TATDN3: variants seen among roughly 807,000 people sequenced by gnomAD.
The protein encoded by TATDN3 is deoxyribonuclease TATDN3.
Under a neutral mutation model 40.1 loss-of-function variants are expected in TATDN3, and 29 were observed. The ratio of observed to expected loss-of-function variants is 0.72; its 90% CI spans 0.54 to 0.99. TATDN3 has a LOEUF of 0.99. Among genes scored for constraint, TATDN3 ranks in the 50% least tolerant of loss-of-function variants. TATDN3 has a pLI of 0.00. For missense variants in TATDN3, 309 were observed against 321.9 expected (o/e 0.96, Z 0.31); for synonymous variants, 105 against 117.0 (o/e 0.90, Z 0.66).
chr1:212,800,890 C>CTTT (rs112248012), intron 4 of TATDN3, among the ~76,000 whole-genome samples: 1 of 140,176 alleles, frequency 7.1e-6, no homozygotes. Flanking sequence ...GGTATGTAAT[C>CTTT]TTTTTTTTTT....
At chr1:212,805,534 G>A (rs1040733330) in intron 7 of TATDN3, among the ~76,000 whole-genome samples, 1 of 152,156 alleles carries the variant, frequency 6.6e-6, no homozygotes, top group Non-Finnish European at 1.5e-5. Flanking sequence ...GGGATTACAG[G>A]CGTGAGCGAC....
At chr1:212,810,187 A>G (rs1482244558) in intron 8 of TATDN3, among the ~76,000 whole-genome samples, 1 of 152,016 alleles carries the variant, frequency 6.6e-6, no homozygotes, top group Non-Finnish European at 1.5e-5. Context: ...AATATGGCGA[A>G]ACCCTGTCTC....
chr1:212,792,071 G>A, intron 1 of TATDN3, 84 bp downstream of exon 1: 3 of 1,390,018 alleles, frequency 2.2e-6, no homozygotes, highest in Non-Finnish European at 3.0e-6. Context: ...CCTCCCTTGG[G>A]ACGAAACCCC....
intron 7 of TATDN3, among the ~76,000 whole-genome samples, chr1:212,807,274 A>G (rs1419464015): frequency 1.3e-5 from 2 of 151,624 alleles, no homozygotes; most frequent in Non-Finnish European, 2.9e-5. Flanking sequence ...ATTTTTTGAG[A>G]CAGAGTCTCA....
intron 5 of TATDN3, 106 bp downstream of exon 5, chr1:212,802,869 T>C (rs998246182): frequency 4.0e-6 from 3 of 741,834 alleles, no homozygotes; most frequent in Non-Finnish European, 6.8e-6. Flanking sequence ...CTTGTATAAT[T>C]ATGTTCACCC....
chr1:212,798,312 T>A (rs1321621543), intron 4 of TATDN3, among the ~76,000 whole-genome samples: 3 of 151,164 alleles, frequency 2.0e-5, no homozygotes, highest in Non-Finnish European at 3.0e-5. Flanking sequence ...GGTGACAGAG[T>A]GAGACTCCAT....
Position 212,815,451 on chromosome 1 carries a change from A to G in TATDN3, c.*295A>G, listed in dbSNP as rs1571981070. ...TAGAACCACCACCTGAACTGAAACC[A>G]TTGCTACTGGGAAGGGTGGCTCCCA... On this transcript the variant is annotated 3_prime_UTR_variant, in exon 10 of 10. Coordinates refer to ENST00000366974, the MANE Select transcript of TATDN3 (RefSeq NM_001042552.3). 7.9e-6 allele frequency: 2 copies of G among 254,160 alleles called. No homozygotes were observed. The highest frequency in any genetic ancestry group is 9.4e-5 in the East Asian group (1 of 10,588). The allele number at this position is 254,160 out of a possible 1,614,324, so 15.7% of individuals were successfully genotyped here. A position where few individuals can be genotyped will look rare whatever the true frequency, so the allele number is the denominator to read the frequency against.
Position 212,796,549 on chromosome 1 carries a change from A to G in TATDN3, c.132A>G (p.Glu44=). The G allele has an allele frequency of 1.3e-6, 2 of 1,565,754 alleles. No homozygotes were observed. The highest frequency in any genetic ancestry group is 1.7e-6 in the Non-Finnish European group (2 of 1,159,248). The change falls in exon 3 of 10, where the codon GAA becomes GAG. Residue 44 remains glutamate (E), a synonymous_variant. Coordinates refer to ENST00000366974, the MANE Select transcript of TATDN3 (RefSeq NM_001042552.3). ...TTGTGGCCCTTGTGGCAGTTGCCGA[A>G]CATTCAGGAGAATTTGAAAAGATTA... ...ANVVALVAVA[E]HSGEFEKIMQ...
chr1:212,794,809 G>C, intron 1 of TATDN3: 1 of 561,672 alleles, frequency 1.8e-6, no homozygotes, highest in South Asian at 1.5e-5. Context: ...GAGTAAGCAA[G>C]TGAGGGATTC....
chr1:212,805,347 C>T (rs1662396254), intron 7 of TATDN3, among the ~76,000 whole-genome samples: 1 of 152,264 alleles, frequency 6.6e-6, no homozygotes, highest in African/African-American at 2.4e-5. Flanking sequence ...CCTCCACCTC[C>T]TGGGTTCAAG....
At chr1:212,813,543 T>G (rs1019355842) in intron 9 of TATDN3, among the ~76,000 whole-genome samples, 1 of 151,016 alleles carries the variant, frequency 6.6e-6, no homozygotes, top group Non-Finnish European at 1.5e-5. Flanking sequence ...AATTAATGTT[T>G]CTATTTTTAT....
chr1:212,803,189 G>T (rs1391443373), intron 5 of TATDN3, among the ~76,000 whole-genome samples: 26 of 136,408 alleles, frequency 1.9e-4, no homozygotes, highest in African/African-American at 6.9e-4. Flanking sequence ...ACAGAACCTT[G>T]CTCTGTCACC....
At chr1:212,804,533 T>A (rs1169232539) in intron 6 of TATDN3, 63 bp from the exon 7 acceptor site, 12 of 1,577,082 alleles carry the variant, frequency 7.6e-6, no homozygotes, top group Non-Finnish European at 1.0e-5. Flanking sequence ...CAAACTACTT[T>A]AATAGATCAA....
At chr1:212,811,933 C>A (rs1325559878) in intron 8 of TATDN3, among the ~76,000 whole-genome samples, 3 of 151,996 alleles carry the variant, frequency 2.0e-5, no homozygotes, top group Non-Finnish European at 4.4e-5. Flanking sequence ...GAACTCCTGA[C>A]CTTATGTTCT....
Position 212,812,249 on chromosome 1 carries a change from A to C in TATDN3, c.602A>C (p.Lys201Thr). 6.4e-7 allele frequency: 1 copy of C among 1,569,410 alleles called. No homozygotes were observed. ...IPPSIIRSGQ[K>T]QKLVKQLPLT... is the part of the protein sequence containing the mutation. ...TAGCTGCTTTCTCTTTTCTCTAAGAAGCAGAAACTTGTGAAACAATTGCCT... is the reference window on the plus strand; with the variant it reads ...TAGCTGCTTTCTCTTTTCTCTAAGACGCAGAAACTTGTGAAACAATTGCCT... The change falls in exon 9 of 10, where the codon AAG becomes ACG. Residue 201 changes from lysine to threonine, a missense_variant and splice_region_variant. Transcript: ENST00000366974.
In TATDN3 at chr1:212,791,895, G is replaced by A. The variant is rs3738799; in HGVS notation, c.-27G>A. The A allele has an allele frequency of 6.2e-7, 1 of 1,612,536 alleles. No homozygotes were observed. The highest frequency in any genetic ancestry group is 2.2e-5 in the East Asian group (1 of 44,852). On this transcript the variant is annotated 5_prime_UTR_variant, in exon 1 of 10. Transcript: ENST00000366974. Reference sequence around the variant, plus strand: ...GTTCCGGCTCCGGCTCTGCTGGCCGGTCTAAAGCGGCAGCCGCCGGGGCGC... The same window carrying A: ...GTTCCGGCTCCGGCTCTGCTGGCCGATCTAAAGCGGCAGCCGCCGGGGCGC...
At chr1:212,804,692 T>C (rs753710740) in intron 7 of TATDN3, 41 bp downstream of exon 7, 1 of 1,550,490 alleles carries the variant, frequency 6.4e-7, no homozygotes, top group Non-Finnish European at 8.8e-7. Context: ...ATGTTCAAGT[T>C]TGACAATTCC....
chr1:212,811,306 T>A (rs1662859617), intron 8 of TATDN3, among the ~76,000 whole-genome samples: 1 of 152,138 alleles, frequency 6.6e-6, no homozygotes, highest in Non-Finnish European at 1.5e-5. Flanking sequence ...CTAATTTTTG[T>A]ATTTTTAGTA....
chr1:212,791,929 C>T lies in TATDN3; in HGVS notation c.8C>T (p.Ala3Val). The change falls in exon 1 of 10, where the codon GCG (alanine) becomes GTG (valine). Residue 3 changes from alanine (A) to valine (V), a missense_variant. By Grantham distance (64) the Ala-to-Val change is moderately conservative (BLOSUM62 0). Transcript: ENST00000366974. ...GGCAGCCGCCGGGGCGCAATGCGAGCGGCTGGCGTAGGCTTGGTGGACTGT... is the reference window on the plus strand; with the variant it reads ...GGCAGCCGCCGGGGCGCAATGCGAGTGGCTGGCGTAGGCTTGGTGGACTGT... The part of the protein sequence containing the change: MR[A>V]AGVGLVDCHC... 5 of 1,613,362 alleles carry T rather than the reference C, an allele frequency of 3.1e-6. No homozygotes were observed. Among genetic ancestry groups the T allele is most frequent in the Non-Finnish European group, 4.2e-6 (5 of 1,179,818 alleles).
Sources: gnomAD v4.1 joint callset for allele counts (sites outside exome capture counted in the v4.1 genomes callset) on GRCh38, gnomAD v4.1.1 for gene constraint, MANE v1.5 for transcripts, NCBI Gene and HGNC (gene_info 2026-07-23, HGNC 2026-07-21) for gene names.